TANC2: variants seen among roughly 807,000 people sequenced by gnomAD.
TANC2 encodes the protein protein TANC2.
Under a neutral mutation model 210.5 loss-of-function variants are expected in TANC2, and 26 were observed. That is an observed-to-expected ratio of 0.12 (90% CI 0.09 to 0.17). TANC2 has a LOEUF of 0.17. Ranked by LOEUF, TANC2 falls within the 10% of genes least tolerant of loss-of-function variation. TANC2 has a pLI of 1.00. For missense variants in TANC2, 2,129 were observed against 2,608.9 expected, an observed-to-expected ratio of 0.82 and a Z score of 4.01; for synonymous variants, 931 against 967.1, an observed-to-expected ratio of 0.96 and a Z score of 0.69.
In TANC2 at chr17:63,267,853, G is replaced by A. The variant is rs756151305; in HGVS notation, c.1139G>A (p.Arg380His). 1.2e-5 allele frequency: 19 copies of A among 1,611,460 alleles called. No individual in the cohort carries two copies. The highest frequency in any genetic ancestry group is 4.0e-5 in the African/African-American group (3 of 74,836). Residue 380 changes from arginine (R) to histidine (H), a missense_variant, in exon 9 of 28, where the codon CGC becomes CAC. Physicochemically the swap from Arg to His is conservative, Grantham distance 29. Around this residue, in one of 5 missense-constraint regions of TANC2, gnomAD observed 739 missense variants for 848.0 expected, o/e 0.87. Transcript: ENST00000689528. ...CCAAGACAGAGCATGGGTGGTGCTC[G>A]CACACAGCAGGATTTAAGAGGTTAG...
At chr17:63,325,147 G>T (rs1022397654) in intron 11 of TANC2, among the ~76,000 whole-genome samples, 2 of 151,992 alleles carry the variant, frequency 1.3e-5, no homozygotes, top group Non-Finnish European at 2.9e-5. Context: ...CTTGACCTCT[G>T]TGCTACCAGT....
intron 4 of TANC2, among the ~76,000 whole-genome samples, chr17:63,137,786 GAAAT>G (rs926492488): frequency 1.3e-5 from 2 of 152,172 alleles, no homozygotes; most frequent in African/African-American, 4.8e-5. Context: ...AAAAAGTCTG[GAAAT>G]AAATAAATAA....
chr17:63,324,185 T>C (rs760494737), intron 11 of TANC2, among the ~76,000 whole-genome samples: 1 of 152,182 alleles, frequency 6.6e-6, no homozygotes, highest in Non-Finnish European at 1.5e-5. Context: ...GTCCTTAGAT[T>C]AAGAAGCTAA....
At chr17:63,347,077 A>G (rs188273123) in intron 12 of TANC2, among the ~76,000 whole-genome samples, 113 of 152,354 alleles carry the variant, frequency 7.4e-4, no homozygotes, top group African/African-American at 2.5e-3. Flanking sequence ...TATTTACCCA[A>G]GAGAAATGAA....
intron 3 of TANC2, among the ~76,000 whole-genome samples, chr17:63,082,534 A>G (rs1418963734): frequency 6.6e-6 from 1 of 152,200 alleles, no homozygotes; most frequent in East Asian, 1.9e-4. Flanking sequence ...TTTATTTTAA[A>G]TTTATAGTTG....
chr17:63,266,465 T>TCCCA (rs2043529974), intron 8 of TANC2, among the ~76,000 whole-genome samples: 2 of 152,188 alleles, frequency 1.3e-5, no homozygotes, highest in Non-Finnish European at 2.9e-5. Context: ...TATATGAGGT[T>TCCCA]GGAGATGTAA....
intron 11 of TANC2, among the ~76,000 whole-genome samples, chr17:63,331,304 A>G (rs2045833022): frequency 6.6e-6 from 1 of 152,214 alleles, no homozygotes; most frequent in Admixed American, 6.5e-5. Context: ...TGCAAGACTG[A>G]TTATTTCTTT....
intron 2 of TANC2, among the ~76,000 whole-genome samples, chr17:63,025,361 C>G (rs910936497): frequency 1.2e-4 from 18 of 152,056 alleles, no homozygotes; most frequent in African/African-American, 3.9e-4. Context: ...GTTGTGGACG[C>G]CTTCTTCATT....
chr17:63,292,121 G>A lies in TANC2; in HGVS notation c.1160-22267G>A, dbSNP rs116154220. Among the ~76,000 whole-genome samples the A allele has an allele frequency of 5.4e-3, 827 of 152,296 alleles. 10 individuals are homozygous for A. Among genetic ancestry groups the A allele is most frequent in the African/African-American group, 0.019 (795 of 41,548 alleles). On this transcript the variant is annotated intron_variant, in intron 9 of 27. Transcript: ENST00000689528. ...TCCAAGCAGATAACTCTTCTAAGTT[G>A]TTGGAAATGCTGTACAGGAATGAGG... is the stretch of plus-strand genomic sequence containing the variant.
intron 8 of TANC2, among the ~76,000 whole-genome samples, chr17:63,245,607 C>T (rs1419707085): frequency 1.3e-5 from 2 of 151,898 alleles, no homozygotes; most frequent in African/African-American, 4.8e-5. Flanking sequence ...CGTTGAGAGG[C>T]TGAGGCAGAC....
At chr17:63,224,648 C>A (rs1018695714) in intron 7 of TANC2, among the ~76,000 whole-genome samples, 4 of 152,246 alleles carry the variant, frequency 2.6e-5, no homozygotes, top group African/African-American at 7.2e-5. Context: ...TCTATGATAA[C>A]ATCTCCCTAT....
chr17:63,123,225 T>C (rs1045852819), intron 4 of TANC2, among the ~76,000 whole-genome samples: 2 of 152,074 alleles, frequency 1.3e-5, no homozygotes, highest in African/African-American at 4.8e-5. Flanking sequence ...TTTTAAGAGA[T>C]TGATAGACAT....
rs548398883 is a variant in TANC2 at position 63,018,005 on chromosome 17, A to C, written c.67+8379A>C. On this transcript the variant is annotated intron_variant, in intron 2 of 27. Coordinates refer to ENST00000689528, the Ensembl canonical transcript of TANC2. ...AAAAAGAATTAAAAAATAGCCAGAC[A>C]TGGTGACATGTAGTCCTAGTGAGGC... is the stretch of plus-strand genomic sequence containing the variant. Among the ~76,000 whole-genome samples, 9 of 152,152 alleles carry C rather than the reference A, an allele frequency of 5.9e-5. No individual in the cohort carries two copies. The South Asian group carries it at 1.7e-3, about 28-fold the overall frequency.
intron 3 of TANC2, among the ~76,000 whole-genome samples, chr17:63,084,889 C>A (rs1244629332): frequency 6.6e-6 from 1 of 152,034 alleles, no homozygotes. Flanking sequence ...TACTTTATTG[C>A]CCAGAATGTG....
intron 3 of TANC2, among the ~76,000 whole-genome samples, chr17:63,077,706 C>T (rs563201068): frequency 1.3e-5 from 2 of 152,224 alleles, no homozygotes; most frequent in South Asian, 2.1e-4. Context: ...AGAATAATGT[C>T]GTCAGTTCTT....
intron 14 of TANC2, among the ~76,000 whole-genome samples, chr17:63,372,434 G>A (rs896781198): frequency 1.3e-5 from 2 of 152,172 alleles, no homozygotes; most frequent in African/African-American, 4.8e-5. Context: ...ACACATTAAA[G>A]ACTAAAGTTC....
intron 14 of TANC2, among the ~76,000 whole-genome samples, chr17:63,362,644 C>T (rs1472764891): frequency 3.3e-5 from 5 of 152,200 alleles, no homozygotes; most frequent in Non-Finnish European, 5.9e-5. Flanking sequence ...ATGGGGCTGG[C>T]GTGTCAACAC....
At position 63,426,982 on chromosome 17, in the gene TANC2, A is replaced by G. The variant is rs190857649; in HGVS notation, c.*5027A>G. Reference sequence around the variant, plus strand: ...ATTGCATACCAATTTACTGGGGGGAAAAAAAAAGTTAAGAGATGCCGGCTC... The same window carrying G: ...ATTGCATACCAATTTACTGGGGGGAGAAAAAAAGTTAAGAGATGCCGGCTC... On this transcript the variant is annotated 3_prime_UTR_variant, in exon 28 of 28. Transcript: ENST00000689528. The G allele has an allele frequency of 3.3e-5, 5 of 150,386 alleles. No individual in the cohort carries two copies. In the East Asian group the frequency reaches 5.8e-4, roughly 17 times the overall value. The allele number at this position is 150,386 out of a possible 1,614,324, so 9.3% of individuals were successfully genotyped here.
At chr17:63,402,868 A>G (rs898302057) in intron 19 of TANC2, among the ~76,000 whole-genome samples, 3 of 152,234 alleles carry the variant, frequency 2.0e-5, no homozygotes, top group South Asian at 2.1e-4. Flanking sequence ...TAAATCTCAT[A>G]TAAAATCCAG....
Sources: allele counts gnomAD v4.1 joint callset (sites outside exome capture counted in the v4.1 genomes callset), GRCh38; gene constraint gnomAD v4.1.1; regional missense constraint gnomAD v4.1.1; transcripts MANE v1.5; gene names NCBI Gene and HGNC (gene_info 2026-07-23, HGNC 2026-07-21).